TYROBP: variants seen among roughly 807,000 people sequenced by gnomAD.
TYROBP encodes transmembrane immune signaling adaptor TYROBP, also known as TYRO protein tyrosine kinase-binding protein.
A neutral mutation model predicts 17.1 loss-of-function variants in TYROBP; 14 were observed. The observed-to-expected ratio is 0.82, with a 90% CI of 0.54 to 1.28. The LOEUF (loss-of-function observed/expected upper bound fraction) is 1.28, where lower values mean the gene tolerates loss of function less well. TYROBP is among the 50% of genes most tolerant of loss of function. The probability of loss-of-function intolerance (pLI) is 0.00; values close to 1 mark genes in which losing one functional copy is unlikely to be tolerated. For missense variants in TYROBP, 161 were observed against 151.4 expected, an observed-to-expected ratio of 1.06 and a Z score of -0.33; for synonymous variants, 73 against 67.4, an observed-to-expected ratio of 1.08 and a Z score of -0.41.
At chr19:35,906,822 G>C (rs566372495) in intron 4 of TYROBP, among the ~76,000 whole-genome samples, 53 of 151,592 alleles carry the variant, frequency 3.5e-4, no homozygotes, top group Non-Finnish European at 6.8e-4. Context: ...CCGCCTCCTG[G>C]GTCAAAGGAT....
chr19:35,906,622 G>A (rs917638266), intron 4 of TYROBP, among the ~76,000 whole-genome samples: 1 of 152,000 alleles, frequency 6.6e-6, no homozygotes, highest in East Asian at 1.9e-4. Flanking sequence ...GAAATCAGTC[G>A]TCCTAGGGCT....
rs1409737428 is a variant in TYROBP, at chr19:35,908,225, C to G, written c.4G>C (p.Gly2Arg). Residue 2 changes from glycine to arginine, a missense_variant, in exon 1 of 5, where the codon GGG becomes CGG. Transcript: ENST00000262629. ...AGCCTGCTGCAGGGTTCAAGTCCCC[C>G]CATGAAGCCGGATGCTGCTGGACAC... is the stretch of plus-strand genomic sequence containing the variant. MGGLEPCSRLLL... is the reference protein window; with the variant it reads MRGLEPCSRLLL... The G allele has an allele frequency of 6.2e-7, 1 of 1,613,816 alleles. No homozygotes were observed. Among genetic ancestry groups the G allele is most frequent in the African/African-American group, 1.3e-5 (1 of 74,902 alleles).
chr19:35,905,777 A>G (rs113824165), intron 4 of TYROBP, among the ~76,000 whole-genome samples: 9,113 of 151,794 alleles, frequency 0.06, 673 homozygotes, highest in African/African-American at 0.17. Context: ...ACATAGTGAA[A>G]CCCCATCTCT....
chr19:35,905,095 A>G (rs1431113320), intron 4 of TYROBP, among the ~76,000 whole-genome samples: 1 of 152,220 alleles, frequency 6.6e-6, no homozygotes, highest in African/African-American at 2.4e-5. Context: ...TAGCACTTAT[A>G]GGTGCTAGAC....
chr19:35,906,547 C>T (rs1975728767), intron 4 of TYROBP, among the ~76,000 whole-genome samples: 1 of 152,022 alleles, frequency 6.6e-6, no homozygotes, highest in African/African-American at 2.4e-5. Flanking sequence ...TTCTAGGACT[C>T]CTCTCTTTAG....
intron 4 of TYROBP, 114 bp from the exon 5 acceptor site, chr19:35,904,748 C>A (rs1975678345): frequency 2.1e-6 from 2 of 932,926 alleles, no homozygotes; most frequent in Admixed American, 2.1e-5. Flanking sequence ...TGAAAGAGAT[C>A]CGGATTTTAT....
intron 1 of TYROBP, 43 bp from the exon 2 acceptor site, chr19:35,907,805 CG>C: frequency 6.3e-7 from 1 of 1,595,960 alleles, no homozygotes; most frequent in Non-Finnish European, 8.6e-7. Flanking sequence ...AGAGTTATGA[CG>C]GGGGTGGGGG....
Position 35,907,495 on chromosome 19 carries a change from G to A in TYROBP, c.180C>T (p.Ala60=), listed in dbSNP as rs199583341. The A allele has an allele frequency of 6.2e-6, 10 of 1,613,454 alleles. No homozygotes were observed. In the Admixed American group the frequency reaches 6.7e-5, roughly 11 times the overall value. ...GGACCAGCCGGCCCAGGAAGTACAC[G>A]GCCAGGGCAATGAGCACTGTCAGCA... The part of the protein sequence containing the change: ...DLVLTVLIAL[A]VYFLGRLVPR... Residue 60 remains alanine (A), a synonymous_variant, in exon 3 of 5, where the codon GCC becomes GCT. Transcript: ENST00000262629.
intron 4 of TYROBP, among the ~76,000 whole-genome samples, chr19:35,905,914 T>C (rs1032772453): frequency 1.4e-4 from 21 of 148,442 alleles, no homozygotes; most frequent in Admixed American, 6.0e-4. Flanking sequence ...GACCACACCA[T>C]TGCACTCCAG....
intron 4 of TYROBP, among the ~76,000 whole-genome samples, chr19:35,906,552 C>T (rs890426958): frequency 1.3e-5 from 2 of 152,062 alleles, no homozygotes; most frequent in Non-Finnish European, 2.9e-5. Flanking sequence ...GGACTCCTCT[C>T]TTTAGAGTTA....
intron 1 of TYROBP, 49 bp downstream of exon 1, chr19:35,908,119 A>C: frequency 1.9e-6 from 3 of 1,557,388 alleles, no homozygotes; most frequent in Non-Finnish European, 2.7e-6. Context: ...GCCCTGCCCC[A>C]AGCTGAGCCC....
intron 3 of TYROBP, 65 bp from the exon 4 acceptor site, chr19:35,907,329 A>T (rs1221548472): frequency 6.2e-7 from 1 of 1,608,594 alleles, no homozygotes; most frequent in East Asian, 2.2e-5. Context: ...GTGTTTTGTC[A>T]TTCCAAATCA....
At chr19:35,904,659 G>A in intron 4 of TYROBP, 25 bp from the exon 5 acceptor site, 1 of 1,607,222 alleles carries the variant, frequency 6.2e-7, no homozygotes, top group South Asian at 1.1e-5. Context: ...GCCATCAGTG[G>A]AAGGGACCCA....
rs150310136 is a variant in TYROBP, at chr19:35,907,261, G to T, written c.233C>A (p.Ala78Glu). 1 of 1,610,194 alleles carries T rather than the reference G, an allele frequency of 6.2e-7. No individual in the cohort carries two copies. Among genetic ancestry groups the T allele is most frequent in the Non-Finnish European group, 8.5e-7 (1 of 1,178,490 alleles). ...VPRGRGAAEAATRKQRITETE... is the reference protein window; with the variant it reads ...VPRGRGAAEAETRKQRITETE... ...CTCAGTGATACGCTGTTTCCGGGTC[G>T]CTGCTGGAGGTGAGGGGTGTTGTGG... Residue 78 changes from alanine to glutamate, a missense_variant, in exon 4 of 5, where the codon GCG (alanine) becomes GAG (glutamate). Physicochemically the swap from Ala to Glu is moderately radical, Grantham distance 107 (BLOSUM62 -1). Transcript: ENST00000262629.
At chr19:35,905,134 G>A (rs907949624) in intron 4 of TYROBP, among the ~76,000 whole-genome samples, 1 of 152,192 alleles carries the variant, frequency 6.6e-6, no homozygotes, top group Non-Finnish European at 1.5e-5. Flanking sequence ...AATACATCCG[G>A]GTAATGCTTT....
intron 4 of TYROBP, among the ~76,000 whole-genome samples, chr19:35,905,602 CAGGAGTTTG>C (rs1438327277): frequency 6.6e-6 from 1 of 151,278 alleles, no homozygotes; most frequent in African/African-American, 2.4e-5. Flanking sequence ...CTCTTGAGCC[CAGGAGTTTG>C]AGACCAGCCT....
At chr19:35,905,339 G>A (rs1399716047) in intron 4 of TYROBP, among the ~76,000 whole-genome samples, 1 of 152,194 alleles carries the variant, frequency 6.6e-6, no homozygotes, top group Non-Finnish European at 1.5e-5. Context: ...GAGGATCTAT[G>A]TGGCCCCCAG....
chr19:35,905,417 G>A lies in TYROBP; in HGVS notation c.277-783C>T, dbSNP rs551142884. 2.9e-4 allele frequency among the ~76,000 whole-genome samples: 44 copies of A among 152,290 alleles called. 3 individuals carry two copies. The South Asian group carries it at 9.1e-3, about 32-fold the overall frequency. On this transcript the variant is annotated intron_variant, in intron 4 of 4. Transcript: ENST00000262629. ...TAGTCTGGGCGTGCATTCTTCAGGG[G>A]AGAGGTCTTAGAGAATCTCATGACC...
chr19:35,905,810 G>A (rs562302795), intron 4 of TYROBP, among the ~76,000 whole-genome samples: 106 of 151,840 alleles, frequency 7.0e-4, no homozygotes, highest in African/African-American at 2.4e-3. Context: ...AAAATTAGCC[G>A]GGTGTGGTGG....
Sources: gnomAD v4.1 joint callset for allele counts (sites outside exome capture counted in the v4.1 genomes callset) on GRCh38, gnomAD v4.1.1 for gene constraint, MANE v1.5 for transcripts, NCBI Gene and HGNC (gene_info 2026-07-23, HGNC 2026-07-21) for gene names.